The following GFPT1 variants were observed in gnomAD, a reference collection of about 807,000 sequenced individuals.
GFPT1 encodes glutamine--fructose-6-phosphate aminotransferase [isomerizing] 1.
Under a neutral mutation model 92.0 loss-of-function variants are expected in GFPT1, and 40 were observed. The ratio of observed to expected loss-of-function variants is 0.43; its 90% CI spans 0.34 to 0.57. GFPT1 has a LOEUF of 0.57. GFPT1 is among the 20% of genes least tolerant of loss of function. GFPT1 has a pLI of 0.02. For synonymous variants in GFPT1, 269 were observed against 280.6 expected, an observed-to-expected ratio of 0.96 and a Z score of 0.41; for missense variants, 448 against 869.1, an observed-to-expected ratio of 0.52 and a Z score of 6.09.
rs776019857 is a variant in GFPT1, at chr2:69,348,272, A to C, written c.908T>G (p.Val303Gly). Residue 303 changes from valine to glycine, a missense_variant, in exon 11 of 20, where the codon GTG becomes GGG. Physicochemically the swap from Val to Gly is moderately radical, Grantham distance 109 (BLOSUM62 -3). This residue lies in a region of GFPT1 where 121 missense variants were observed against 304.3 expected (regional missense o/e 0.40). Transcript: ENST00000357308. ...FLEDDDVAAVVDGRLSIHRIK... is the reference protein window; with the variant it reads ...FLEDDDVAAVGDGRLSIHRIK... Reference sequence around the variant, plus strand: ...TCGATGGATAGAAAGACGTCCATCCACTACTGCTGCAACATCATCATCTTC... The same window carrying C: ...TCGATGGATAGAAAGACGTCCATCCCCTACTGCTGCAACATCATCATCTTC... 1 of 1,613,026 alleles carries C rather than the reference A, an allele frequency of 6.2e-7. No homozygotes were observed. The highest frequency in any genetic ancestry group is 2.2e-5 in the East Asian group (1 of 44,882).
intron 1 of GFPT1, 25 bp downstream of exon 1, chr2:69,387,040 C>CG (rs775807663): frequency 4.6e-6 from 7 of 1,516,566 alleles, no homozygotes; most frequent in Non-Finnish European, 6.2e-6. Flanking sequence ...CCCGGCAACA[C>CG]GCCCCCCGCT....
rs1263850388 is a variant in GFPT1 at position 69,322,352 on chromosome 2, A to G, written c.*3837T>C. The G allele has an allele frequency of 5.3e-5, 8 of 152,210 alleles. No individual in the cohort carries two copies. The highest frequency in any genetic ancestry group is 4.6e-4 in the Admixed American group (7 of 15,274). The allele number at this position is 152,210 out of a possible 1,614,324, so 9.4% of individuals were successfully genotyped here. On this transcript the variant is annotated 3_prime_UTR_variant, in exon 20 of 20. Coordinates refer to ENST00000357308, the MANE Select transcript of GFPT1 (RefSeq NM_001244710.2). ...TAAGTTGTAGCATACAATAGTTAACATTAGTTCTTTTATTGCTATGGTATA... is the reference window on the plus strand; with the variant it reads ...TAAGTTGTAGCATACAATAGTTAACGTTAGTTCTTTTATTGCTATGGTATA...
intron 9 of GFPT1, among the ~76,000 whole-genome samples, chr2:69,351,690 A>G (rs1044206966): frequency 6.6e-6 from 1 of 152,376 alleles, no homozygotes; most frequent in Non-Finnish European, 1.5e-5. Context: ...TTAGTGATGA[A>G]AACAAAGTAA....
chr2:69,353,487 C>T (rs377605766), intron 9 of GFPT1, among the ~76,000 whole-genome samples: 17 of 152,042 alleles, frequency 1.1e-4, no homozygotes, highest in African/African-American at 2.9e-4. Context: ...TGAGCCATGA[C>T]GAAACCACTG....
intron 15 of GFPT1, among the ~76,000 whole-genome samples, chr2:69,334,903 A>G (rs996200774): frequency 1.3e-5 from 2 of 152,248 alleles, no homozygotes; most frequent in African/African-American, 4.8e-5. Flanking sequence ...CTGGATTGTG[A>G]TAACAGTTGT....
chr2:69,359,165 A>G, intron 5 of GFPT1, 103 bp downstream of exon 5: 1 of 744,426 alleles, frequency 1.3e-6, no homozygotes, highest in South Asian at 1.4e-5. Flanking sequence ...AAATTAATTG[A>G]TGACACACAT....
intron 17 of GFPT1, 93 bp downstream of exon 17, chr2:69,329,204 T>C: frequency 7.9e-7 from 1 of 1,270,452 alleles, no homozygotes; most frequent in Non-Finnish European, 1.2e-6. Context: ...TTTCAAAAGT[T>C]CTACCTATTT....
chr2:69,350,435 A>T lies in GFPT1; in HGVS notation c.740-252T>A, dbSNP rs116051079. 0.012 allele frequency among the ~76,000 whole-genome samples: 1,890 copies of T among 152,264 alleles called. 45 individuals carry two copies. Among genetic ancestry groups the T allele is most frequent in the African/African-American group, 0.043 (1,798 of 41,540 alleles). On this transcript the variant is annotated intron_variant, in intron 9 of 19. Coordinates refer to ENST00000357308, the MANE Select transcript of GFPT1 (RefSeq NM_001244710.2). ...AAGTGCTACATTATATGTTTTTTTA[A>T]TATAATATTTATTTTCCAGGTAAAA...
intron 1 of GFPT1, among the ~76,000 whole-genome samples, chr2:69,380,690 T>A (rs1671988095): frequency 6.6e-6 from 1 of 152,186 alleles, no homozygotes; most frequent in Non-Finnish European, 1.5e-5. Flanking sequence ...CAATTTTTCA[T>A]CATACTGCCA....
chr2:69,337,111 C>T (rs1278801865), intron 15 of GFPT1, among the ~76,000 whole-genome samples: 2 of 137,218 alleles, frequency 1.5e-5, no homozygotes, highest in Non-Finnish European at 3.0e-5. Flanking sequence ...GTCACCCAGA[C>T]TGGAGTGCAG....
At chr2:69,384,042 C>G (rs1672069430) in intron 1 of GFPT1, among the ~76,000 whole-genome samples, 1 of 152,094 alleles carries the variant, frequency 6.6e-6, no homozygotes, top group Admixed American at 6.6e-5. Flanking sequence ...TGACACTCAG[C>G]AAAACCAAAA....
At position 69,325,767 on chromosome 2, in the gene GFPT1, T is replaced by G. The variant is rs1181928054; in HGVS notation, c.*422A>C. The G allele has an allele frequency of 6.4e-6, 1 of 157,258 alleles. No homozygotes were observed. The highest frequency in any genetic ancestry group is 1.4e-5 in the Non-Finnish European group (1 of 71,424). The allele number at this position is 157,258 out of a possible 1,614,324, so 9.7% of individuals were successfully genotyped here. On this transcript the variant is annotated 3_prime_UTR_variant, in exon 20 of 20. Transcript: ENST00000357308. ...GCAAACCCTTCCCTAACTGTCCAAG[T>G]ATGAGCATACACTGCCACTGGCTTT...
At chr2:69,328,843 G>C (rs540368416) in intron 17 of GFPT1, among the ~76,000 whole-genome samples, 2 of 151,888 alleles carry the variant, frequency 1.3e-5, no homozygotes, top group East Asian at 3.9e-4. Context: ...TGGGATTATA[G>C]TCATGCATTA....
chr2:69,386,626 TA>T (rs939145328), intron 1 of GFPT1, among the ~76,000 whole-genome samples: 34 of 152,114 alleles, frequency 2.2e-4, no homozygotes, highest in African/African-American at 4.1e-4. Context: ...ACAAGTAAAA[TA>T]TTTTTTTAAA....
chr2:69,369,924 G>A lies in GFPT1; in HGVS notation c.223+77C>T, dbSNP rs1377105050. 6 of 845,020 alleles carry A rather than the reference G, an allele frequency of 7.1e-6. No individual in the cohort carries two copies. In the East Asian group the frequency reaches 9.8e-5, roughly 14 times the overall value. 52.3% of individuals were successfully genotyped at this position (845,020 alleles called of 1,614,324 possible). A position where few individuals can be genotyped will look rare whatever the true frequency, so the allele number is the denominator to read the frequency against. On this transcript the variant is annotated intron_variant, in intron 3 of 19. Coordinates refer to ENST00000357308, the MANE Select transcript of GFPT1 (RefSeq NM_001244710.2). ...ATTGGTCCCAAAATATGGGGGGAGG[G>A]AGTAACTTAGAGGAGAATGGGGAGG...
In GFPT1 at chr2:69,326,201, C is replaced by G; in HGVS notation, c.2088G>C (p.Val696=). 6.3e-7 allele frequency: 1 copy of G among 1,594,944 alleles called. No individual in the cohort carries two copies. Among genetic ancestry groups the G allele is most frequent in the African/African-American group, 1.4e-5 (1 of 73,660 alleles). ...VDFPRNLAKS[V]TVE ...GTATAGATATTCCTCACTCTACAGT[C>G]ACAGATTTGGCAAGATTCCGTGGGA... Residue 696 remains valine (V), a synonymous_variant, in exon 20 of 20, where the codon GTG becomes GTC. Transcript: ENST00000357308.
rs1670369465 is a variant in GFPT1 at position 69,319,965 on chromosome 2, C to CA, written c.*6223dup. On this transcript the variant is annotated 3_prime_UTR_variant, in exon 20 of 20. Coordinates refer to ENST00000357308, the MANE Select transcript of GFPT1 (RefSeq NM_001244710.2). ...GCAGAAAGAAACTTGAAATTTAATG[C>CA]AACGTTATTTCTCTTGCCTAGAAGC... is the stretch of plus-strand genomic sequence containing the variant. 6.6e-6 allele frequency: 1 copy of CA among 152,220 alleles called. No individual in the cohort carries two copies. The highest frequency in any genetic ancestry group is 6.5e-5 in the Admixed American group (1 of 15,288). The allele number at this position is 152,220 out of a possible 1,614,324, so 9.4% of individuals were successfully genotyped here.
intron 1 of GFPT1, among the ~76,000 whole-genome samples, chr2:69,377,174 C>T (rs1253718415): frequency 7.5e-6 from 1 of 133,578 alleles, no homozygotes; most frequent in African/African-American, 3.0e-5. Flanking sequence ...TGCCACTGCA[C>T]TCTAGCCTGG....
At position 69,319,793 on chromosome 2, in the gene GFPT1, T is replaced by A. The variant is rs926283513; in HGVS notation, c.*6396A>T. ...TAATAATAAATATTGGATTTACATT[T>A]TATTCAAAGGATAAATACAAAATTA... On this transcript the variant is annotated 3_prime_UTR_variant, in exon 20 of 20. Transcript: ENST00000357308. 1 of 152,232 alleles carries A rather than the reference T, an allele frequency of 6.6e-6. No individual in the cohort carries two copies. Among genetic ancestry groups the A allele is most frequent in the African/African-American group, 2.4e-5 (1 of 41,446 alleles). The allele number at this position is 152,232 out of a possible 1,614,324, so 9.4% of individuals were successfully genotyped here.
Sources: gnomAD v4.1 joint callset for allele counts (sites outside exome capture counted in the v4.1 genomes callset) on GRCh38, gnomAD v4.1.1 for gene constraint, gnomAD v4.1.1 regional missense constraint, MANE v1.5 for transcripts, NCBI Gene and HGNC (gene_info 2026-07-23, HGNC 2026-07-21) for gene names.